The following ZAN variants were observed in gnomAD, a reference collection of about 807,000 sequenced individuals.
ZAN encodes the protein zonadhesin.
A neutral mutation model predicts 286.2 loss-of-function variants in ZAN; 260 were observed. The observed-to-expected ratio is 0.91, with a 90% CI of 0.82 to 1.01. ZAN has a LOEUF of 1.01. Ranked by LOEUF, ZAN falls within the 50% of genes least tolerant of loss-of-function variation. The pLI, the probability that ZAN is intolerant of heterozygous loss-of-function variation, is 0.00. For synonymous variants in ZAN, 1,368 were observed against 1,417.5 expected (o/e 0.97, Z 0.79); for missense variants, 3,410 against 3,639.2 (o/e 0.94, Z 1.62).
At position 100,752,583 on chromosome 7, in the gene ZAN, T is replaced by C. The variant is rs772484471; in HGVS notation, c.2478T>C (p.Thr826=). 6.2e-7 allele frequency: 1 copy of C among 1,601,126 alleles called. No individual in the cohort carries two copies. Among genetic ancestry groups the C allele is most frequent in the South Asian group, 1.1e-5 (1 of 90,522 alleles). The change falls in exon 14 of 48, where the codon ACT becomes ACC. Residue 826 remains threonine (T), a synonymous_variant. Transcript: ENST00000613979. ...CCATGGAAAAACCCACTCTCCCCAC[T>C]GAAGAAACCACCACCTCTGTTGAAG... is the stretch of plus-strand genomic sequence containing the variant. ...SIPMEKPTLP[T]EETTTSVEET...
chr7:100,758,750 TG>T, intron 17 of ZAN, 100 bp downstream of exon 17: 1 of 1,497,748 alleles, frequency 6.7e-7, no homozygotes, highest in Non-Finnish European at 8.9e-7. Context: ...AGGGCACAGA[TG>T]GGGGAAGAGG....
At chr7:100,792,662 A>G (rs1235825009) in intron 42 of ZAN, 183 bp downstream of exon 42, 1 of 1,365,316 alleles carries the variant, frequency 7.3e-7, no homozygotes, top group East Asian at 2.9e-5. Flanking sequence ...CATCCCTCGA[A>G]TTTCTGCCTT....
In ZAN at chr7:100,795,774, T is replaced by C. The variant is rs1812321680; in HGVS notation, c.8266+438T>C. On this transcript the variant is annotated intron_variant, in intron 45 of 47. Coordinates refer to ENST00000613979, the MANE Select transcript of ZAN (RefSeq NM_003386.3). ...ACAAAAAGTTAGCCGGGTGTGGTGG[T>C]GTGCGCCTGTAGTCCCAGCTACTCG... Among the ~76,000 whole-genome samples the C allele has an allele frequency of 6.6e-5, 10 of 151,766 alleles. No individual in the cohort carries two copies. The South Asian group carries it at 2.1e-3, about 32-fold the overall frequency.
rs371569938 is a variant in ZAN at position 100,791,120 on chromosome 7, G to A, written c.7529+7G>A. On this transcript the variant is annotated splice_region_variant and intron_variant, in intron 40 of 47. Coordinates refer to ENST00000613979, the MANE Select transcript of ZAN (RefSeq NM_003386.3). Reference sequence around the variant, plus strand: ...CACTCCTGCGCTTCCCCAGGTGCACGGCCTGGAAGGGATGAGGCGGGGGAG... The same window carrying A: ...CACTCCTGCGCTTCCCCAGGTGCACAGCCTGGAAGGGATGAGGCGGGGGAG... 1.4e-4 allele frequency: 231 copies of A among 1,608,140 alleles called. No individual in the cohort carries two copies. Among genetic ancestry groups the A allele is most frequent in the Middle Eastern group, 3.3e-4 (2 of 6,038 alleles).
rs368070397 is a variant in ZAN, at chr7:100,775,437, C to T, written c.5889C>T (p.Pro1963=). Reference sequence around the variant, plus strand: ...TTGTCCTGGTGAAAGTGTGCCACCCCGCCATGGCCTTGCCCTTCTTCAAGA... The same window carrying T: ...TTGTCCTGGTGAAAGTGTGCCACCCTGCCATGGCCTTGCCCTTCTTCAAGA... The part of the protein sequence containing the change: ...CTLVLVKVCH[P]AMALPFFKIS... Residue 1963 remains proline (P), a synonymous_variant, in exon 32 of 48, where the codon CCC becomes CCT. Transcript: ENST00000613979. The T allele has an allele frequency of 4.6e-5, 75 of 1,613,958 alleles. No individual in the cohort carries two copies. The highest frequency in any genetic ancestry group is 4.4e-4 in the South Asian group (40 of 91,088).
intron 33 of ZAN, 55 bp downstream of exon 33, chr7:100,775,888 G>A (rs1810748378): frequency 1.9e-6 from 3 of 1,590,806 alleles, no homozygotes; most frequent in Non-Finnish European, 2.6e-6. Context: ...GGAGATTGGT[G>A]GCCGGCAGGG....
Position 100,784,608 on chromosome 7 carries a change from C to T in ZAN, c.6623-15C>T, listed in dbSNP as rs772168870. Reference sequence around the variant, plus strand: ...GTGACCCTCTCCACTGACCCACTGTCTCCTTCACCCACAGCTCTGGAATGC... The same window carrying T: ...GTGACCCTCTCCACTGACCCACTGTTTCCTTCACCCACAGCTCTGGAATGC... On this transcript the variant is annotated splice_polypyrimidine_tract_variant and intron_variant, in intron 35 of 47. Transcript: ENST00000613979. The T allele has an allele frequency of 5.0e-6, 8 of 1,612,664 alleles. No homozygotes were observed. The South Asian group carries it at 8.8e-5, about 18-fold the overall frequency.
rs181185924 is a variant in ZAN, at chr7:100,779,588, G to A, written c.6460G>A (p.Ala2154Thr). The change falls in exon 35 of 48, where the codon GCC (alanine) becomes ACC (threonine). Residue 2154 changes from alanine to threonine, a missense_variant. By Grantham distance (58) the Ala-to-Thr change is moderately conservative (BLOSUM62 0). Around this residue, in one of 7 missense-constraint regions of ZAN, gnomAD observed 1,289 missense variants for 1,314.3 expected, o/e 0.98. Coordinates refer to ENST00000613979, the MANE Select transcript of ZAN (RefSeq NM_003386.3). ...ALRAPVWAQC[A>T]SRIDLTPFLV... is the part of the protein sequence containing the mutation. The stretch of plus-strand genomic sequence containing the variant: ...CCGGGCTCCTGTGTGGGCCCAGTGC[G>A]CCTCCCGCATAGACCTCACGCCCTT... The A allele has an allele frequency of 1.6e-5, 25 of 1,609,224 alleles. No individual in the cohort carries two copies. The highest frequency in any genetic ancestry group is 5.3e-5 in the African/African-American group (4 of 74,850).
intron 47 of ZAN, 21 bp downstream of exon 47, chr7:100,797,644 C>T (rs748541403): frequency 5.0e-6 from 8 of 1,613,970 alleles, no homozygotes; most frequent in Non-Finnish European, 6.8e-6. Context: ...ACCCCACAGC[C>T]CGGAACCTCG....
chr7:100,772,695 C>T (rs1190248081), intron 29 of ZAN, among the ~76,000 whole-genome samples: 1 of 151,606 alleles, frequency 6.6e-6, no homozygotes, highest in Non-Finnish European at 1.5e-5. Context: ...GTGGTGGGCG[C>T]CTGTAGTCCC....
At chr7:100,793,386 G>A (rs903126494) in intron 42 of ZAN, among the ~76,000 whole-genome samples, 1 of 152,156 alleles carries the variant, frequency 6.6e-6, no homozygotes, top group South Asian at 2.1e-4. Flanking sequence ...GACCCTAGAT[G>A]AAGCTGCAAC....
At chr7:100,783,797 T>C (rs1206613808) in intron 35 of ZAN, among the ~76,000 whole-genome samples, 1 of 31,614 alleles carries the variant, frequency 3.2e-5, no homozygotes, top group Non-Finnish European at 1.0e-4. Context: ...CATATATATA[T>C]ATACACACAT....
rs1161585746 is a variant in ZAN, at chr7:100,776,718, CTTTTTTTTTTT to C, written c.6317+169_6317+179del. ...TCTCTTTCTTTTCTTCCTCTCCTTT[CTTTTTTTTTTT>C]TTTTTTTTTTTTTTGAGACGGAGTC... On this transcript the variant is annotated intron_variant, in intron 34 of 47. Coordinates refer to ENST00000613979, the MANE Select transcript of ZAN (RefSeq NM_003386.3). 4.8e-4 allele frequency among the ~76,000 whole-genome samples: 23 copies of C among 47,506 alleles called. 1 individual carries two copies. The highest frequency in any genetic ancestry group is 2.1e-3 in the East Asian group (2 of 972). 31.2% of individuals were successfully genotyped at this position (47,506 alleles called of 152,430 possible).
Position 100,776,149 on chromosome 7 carries a change from A to G in ZAN, c.6193-291A>G, listed in dbSNP as rs371903903. Among the ~76,000 whole-genome samples, 6 of 152,004 alleles carry G rather than the reference A, an allele frequency of 3.9e-5. No individual in the cohort carries two copies. In the South Asian group the frequency reaches 8.3e-4, roughly 21 times the overall value. ...GCCAACATGGTGAAACCCCGTCTCT[A>G]TTAAAAATAAAAAAAAAAATTAGTT... On this transcript the variant is annotated intron_variant, in intron 33 of 47. Transcript: ENST00000613979.
In ZAN at chr7:100,784,747, T is replaced by C. The variant is rs1440616434; in HGVS notation, c.6747T>C (p.Ile2249=). Residue 2249 remains isoleucine (I), a synonymous_variant, in exon 36 of 48, where the codon ATT becomes ATC. Coordinates refer to ENST00000613979, the MANE Select transcript of ZAN (RefSeq NM_003386.3). ...KVPSACAEGC[I]CQPGYVLSED... Reference sequence around the variant, plus strand: ...CCTCTGCCTGCGCTGAGGGCTGCATTTGTCAGCCCGGCTATGTGCTGAGTG... The same window carrying C: ...CCTCTGCCTGCGCTGAGGGCTGCATCTGTCAGCCCGGCTATGTGCTGAGTG... The C allele has an allele frequency of 6.2e-7, 1 of 1,613,856 alleles. No individual in the cohort carries two copies. Among genetic ancestry groups the C allele is most frequent in the Middle Eastern group, 1.6e-4 (1 of 6,062 alleles).
intron 7 of ZAN, among the ~76,000 whole-genome samples, chr7:100,746,147 G>C (rs1161738187): frequency 1.3e-5 from 2 of 152,140 alleles, no homozygotes; most frequent in Admixed American, 6.6e-5. Context: ...AGGATCACCT[G>C]AGCCCGGGGA....
At position 100,748,615 on chromosome 7, in the gene ZAN, C is replaced by T. The variant is rs964146937; in HGVS notation, c.1249+145C>T. The T allele has an allele frequency of 5.2e-6, 6 of 1,155,668 alleles. No individual in the cohort carries two copies. The East Asian group carries it at 1.5e-4, about 30-fold the overall frequency. 71.6% of individuals were successfully genotyped at this position (1,155,668 alleles called of 1,614,324 possible). ...TGTTTTTTCGGAAGTTTCCATGGTA[C>T]TGGAATTGTGGAGATAGCAGAGTAA... On this transcript the variant is annotated intron_variant, in intron 11 of 47. Coordinates refer to ENST00000613979, the MANE Select transcript of ZAN (RefSeq NM_003386.3).
chr7:100,739,172 C>T lies in ZAN; in HGVS notation c.766+559C>T, dbSNP rs1337126941. ...GACTGCAGGCGTGCACCACCATGCC[C>T]GGCTAATTTTTGTATTTTTGGTACA... On this transcript the variant is annotated intron_variant, in intron 7 of 47. Coordinates refer to ENST00000613979, the MANE Select transcript of ZAN (RefSeq NM_003386.3). Among the ~76,000 whole-genome samples, 11 of 134,812 alleles carry T rather than the reference C, an allele frequency of 8.2e-5. 2 individuals are homozygous for T. Among genetic ancestry groups the T allele is most frequent in the Non-Finnish European group, 1.6e-4 (10 of 60,820 alleles). 88.4% of individuals were successfully genotyped at this position (134,812 alleles called of 152,430 possible). A position where few individuals can be genotyped will look rare whatever the true frequency, so the allele number is the denominator to read the frequency against.
chr7:100,783,781 T>TACAC (rs1562952330), intron 35 of ZAN, among the ~76,000 whole-genome samples: 1 of 15,260 alleles, frequency 6.6e-5, no homozygotes, highest in African/African-American at 1.3e-4. Context: ...TATATATATA[T>TACAC]ATACACATAT....
Sources: allele counts gnomAD v4.1 joint callset (sites outside exome capture counted in the v4.1 genomes callset), GRCh38; gene constraint gnomAD v4.1.1; regional missense constraint gnomAD v4.1.1; transcripts MANE v1.5; gene names NCBI Gene and HGNC (gene_info 2026-07-23, HGNC 2026-07-21).